Variants in AHCYL2 observed in about 807,000 individuals in gnomAD.
AHCYL2 encodes the protein S-adenosylhomocysteine hydrolase-like protein 2.
Under a neutral mutation model 81.4 loss-of-function variants are expected in AHCYL2, and 28 were observed. The ratio of observed to expected loss-of-function variants is 0.34; its 90% CI spans 0.25 to 0.47. The LOEUF is 0.47. Among genes scored for constraint, AHCYL2 ranks in the 20% least tolerant of loss-of-function variants. The pLI, the probability that AHCYL2 is intolerant of heterozygous loss-of-function variation, is 1.00. For synonymous variants in AHCYL2, 272 were observed against 290.2 expected (o/e 0.94, Z 0.64); for missense variants, 551 against 785.1 (o/e 0.70, Z 3.56).
rs1796237701 is a variant in AHCYL2, at chr7:129,405,091, C to T, written c.1026-6C>T. Reference sequence around the variant, plus strand: ...GTTTTTTGTTCTTGGCTTCCCTCATCCTCAGGCTGTACCAACTGTCCAAAG... The same window carrying T: ...GTTTTTTGTTCTTGGCTTCCCTCATTCTCAGGCTGTACCAACTGTCCAAAG... On this transcript the variant is annotated splice_region_variant and splice_polypyrimidine_tract_variant and intron_variant, in intron 7 of 16. Coordinates refer to ENST00000325006, the MANE Select transcript of AHCYL2 (RefSeq NM_015328.4). 6.3e-7 allele frequency: 1 copy of T among 1,583,700 alleles called. No individual in the cohort carries two copies. Among genetic ancestry groups the T allele is most frequent in the South Asian group, 1.1e-5 (1 of 87,170 alleles).
At chr7:129,354,108 A>G (rs914296704) in intron 1 of AHCYL2, among the ~76,000 whole-genome samples, 2 of 152,156 alleles carry the variant, frequency 1.3e-5, no homozygotes, top group African/African-American at 4.8e-5. Context: ...ATGGAAGGTG[A>G]AGAGTTGTGG....
At chr7:129,344,109 A>C (rs1210031745) in intron 1 of AHCYL2, among the ~76,000 whole-genome samples, 1 of 152,198 alleles carries the variant, frequency 6.6e-6, no homozygotes, top group Non-Finnish European at 1.5e-5. Flanking sequence ...GGCTAAAATT[A>C]AAAAGAGTGA....
intron 1 of AHCYL2, among the ~76,000 whole-genome samples, chr7:129,329,591 G>T (rs976981100): frequency 6.6e-6 from 1 of 152,230 alleles, no homozygotes; most frequent in South Asian, 2.1e-4. Flanking sequence ...AGGCAATTTT[G>T]TGAGAGGGGA....
chr7:129,331,434 A>G (rs1215412928), intron 1 of AHCYL2, among the ~76,000 whole-genome samples: 1 of 152,260 alleles, frequency 6.6e-6, no homozygotes, highest in East Asian at 1.9e-4. Context: ...TAAATAAAGT[A>G]GGATACATTT....
At chr7:129,268,491 G>A (rs1032122293) in intron 1 of AHCYL2, among the ~76,000 whole-genome samples, 1 of 152,094 alleles carries the variant, frequency 6.6e-6, no homozygotes, top group African/African-American at 2.4e-5. Flanking sequence ...GGGACTACAG[G>A]CACGGGCCAC....
In AHCYL2 at chr7:129,251,836, A is replaced by C. The variant is rs1311377188; in HGVS notation, c.363+26397A>C. Among the ~76,000 whole-genome samples the C allele has an allele frequency of 4.6e-5, 7 of 152,310 alleles. No homozygotes were observed. In the East Asian group the frequency reaches 1.3e-3, roughly 29 times the overall value. ...AATACGTCCATTAATCTGCATGCTT[A>C]ATCCTAATTTTTTTCTTGTCACACT... On this transcript the variant is annotated intron_variant, in intron 1 of 16. Transcript: ENST00000325006.
rs553892743 is a variant in AHCYL2, at chr7:129,233,574, G to A, written c.363+8135G>A. 5.3e-5 allele frequency among the ~76,000 whole-genome samples: 8 copies of A among 151,974 alleles called. No homozygotes were observed. In the South Asian group the frequency reaches 1.5e-3, roughly 28 times the overall value. On this transcript the variant is annotated intron_variant, in intron 1 of 16. Transcript: ENST00000325006. ...GCGATCTCCGCTCACTGCAACCTCC[G>A]CCTCCCGGGTTCAAGCGATTCTCCT... is the stretch of plus-strand genomic sequence containing the variant.
At chr7:129,341,871 A>C (rs1793198177) in intron 1 of AHCYL2, among the ~76,000 whole-genome samples, 1 of 152,222 alleles carries the variant, frequency 6.6e-6, no homozygotes, top group African/African-American at 2.4e-5. Flanking sequence ...GAATTTACCA[A>C]CACTTGGGAA....
chr7:129,326,819 T>C (rs559641424), intron 1 of AHCYL2, among the ~76,000 whole-genome samples: 2 of 151,770 alleles, frequency 1.3e-5, no homozygotes, highest in South Asian at 4.2e-4. Context: ...AGAAAGAGAG[T>C]CTGTCCTAAA....
intron 1 of AHCYL2, among the ~76,000 whole-genome samples, chr7:129,373,346 C>T (rs1794506988): frequency 6.6e-6 from 1 of 152,038 alleles, no homozygotes; most frequent in South Asian, 2.1e-4. Context: ...GAGATCGAGA[C>T]CAGCCTGGCT....
intron 1 of AHCYL2, among the ~76,000 whole-genome samples, chr7:129,253,997 T>G (rs1318332518): frequency 6.6e-6 from 1 of 152,208 alleles, no homozygotes; most frequent in Non-Finnish European, 1.5e-5. Context: ...CTGTAGTACT[T>G]TAACCAAGTG....
At chr7:129,347,523 G>T (rs1181122785) in intron 1 of AHCYL2, among the ~76,000 whole-genome samples, 2 of 152,070 alleles carry the variant, frequency 1.3e-5, no homozygotes, top group Non-Finnish European at 2.9e-5. Context: ...AAGGACTACT[G>T]GTCTAAATTC....
intron 1 of AHCYL2, among the ~76,000 whole-genome samples, chr7:129,350,258 G>A (rs1270252435): frequency 6.6e-6 from 1 of 151,914 alleles, no homozygotes; most frequent in Non-Finnish European, 1.5e-5. Flanking sequence ...GTCCATACTT[G>A]TTTCCTCAGT....
At chr7:129,375,586 T>G in intron 1 of AHCYL2, 1 of 1,264,002 alleles carries the variant, frequency 7.9e-7, no homozygotes. Context: ...AGAGGATCCA[T>G]GTAATTAGGT....
chr7:129,390,666 A>T (rs1292058978), intron 4 of AHCYL2, among the ~76,000 whole-genome samples: 1 of 152,210 alleles, frequency 6.6e-6, no homozygotes, highest in Non-Finnish European at 1.5e-5. Context: ...TGATAGCAAG[A>T]TGCTTACAAC....
At chr7:129,283,414 G>T in intron 1 of AHCYL2, 1 of 455,774 alleles carries the variant, frequency 2.2e-6, no homozygotes, top group Non-Finnish European at 4.4e-6. Flanking sequence ...TTGTTTGTTT[G>T]TTTCAGGCAG....
chr7:129,358,970 GC>G (rs1793839525), intron 1 of AHCYL2, among the ~76,000 whole-genome samples: 1 of 152,108 alleles, frequency 6.6e-6, no homozygotes, highest in South Asian at 2.1e-4. Flanking sequence ...CTGAACATAT[GC>G]ATACTCCATA....
At chr7:129,241,598 AT>A (rs1478857869) in intron 1 of AHCYL2, among the ~76,000 whole-genome samples, 15 of 152,302 alleles carry the variant, frequency 9.8e-5, no homozygotes, top group African/African-American at 2.9e-4. Flanking sequence ...CTCAAAAAAA[AT>A]AAAATAAAAT....
At chr7:129,280,191 AG>A (rs1796381944) in intron 1 of AHCYL2, among the ~76,000 whole-genome samples, 1 of 4,778 alleles carries the variant, frequency 2.1e-4, no homozygotes, top group African/African-American at 3.2e-4. Flanking sequence ...TTTTTTTTTG[AG>A]AGAGTCTCGC....
Sources: gnomAD v4.1 joint callset for allele counts (sites outside exome capture counted in the v4.1 genomes callset) on GRCh38, gnomAD v4.1.1 for gene constraint, MANE v1.5 for transcripts, NCBI Gene and HGNC (gene_info 2026-07-23, HGNC 2026-07-21) for gene names.